NRXN3: variants seen among roughly 807,000 people sequenced by gnomAD.
The protein encoded by NRXN3 is neurexin 3.
In NRXN3, 32 loss-of-function variants were observed where a neutral mutation model predicts 137.6. The ratio of observed to expected loss-of-function variants is 0.23; its 90% CI spans 0.18 to 0.31. The LOEUF is 0.31. NRXN3 is among the 10% of genes least tolerant of loss of function. The pLI, the probability that NRXN3 is intolerant of heterozygous loss-of-function variation, is 1.00. For missense variants in NRXN3, 1,574 were observed against 2,062.5 expected (o/e 0.76, Z 4.59); for synonymous variants, 798 against 784.5 (o/e 1.02, Z -0.29).
At chr14:78,891,934 G>A (rs1597059780) in intron 10 of NRXN3, among the ~76,000 whole-genome samples, 2 of 152,068 alleles carry the variant, frequency 1.3e-5, no homozygotes, top group East Asian at 3.9e-4. Flanking sequence ...GGGCTGAAGA[G>A]TTATGGAAAT....
intron 4 of NRXN3, among the ~76,000 whole-genome samples, chr14:78,573,173 G>T (rs2096905757): frequency 6.6e-6 from 1 of 152,190 alleles, no homozygotes; most frequent in Non-Finnish European, 1.5e-5. Flanking sequence ...CAGCCATGCA[G>T]AACTGTGAGC....
chr14:78,471,522 C>G (rs1332591448), intron 4 of NRXN3, among the ~76,000 whole-genome samples: 1 of 152,174 alleles, frequency 6.6e-6, no homozygotes, highest in African/African-American at 2.4e-5. Flanking sequence ...TGCTCCCTCT[C>G]CTTCATTTAC....
chr14:79,385,623 C>T (rs1305552491), intron 15 of NRXN3, among the ~76,000 whole-genome samples: 1 of 152,116 alleles, frequency 6.6e-6, no homozygotes. Flanking sequence ...AGCACTCAGA[C>T]TTGGGCACCA....
At chr14:79,307,065 T>G (rs905339049) in intron 15 of NRXN3, among the ~76,000 whole-genome samples, 2 of 152,126 alleles carry the variant, frequency 1.3e-5, no homozygotes, top group Non-Finnish European at 2.9e-5. Flanking sequence ...GATTTAGTTT[T>G]TAGAGTTCTT....
At chr14:78,471,699 C>G (rs772022186) in intron 4 of NRXN3, among the ~76,000 whole-genome samples, 5 of 152,102 alleles carry the variant, frequency 3.3e-5, no homozygotes, top group Non-Finnish European at 5.9e-5. Flanking sequence ...TGGTAATATC[C>G]AGGCATAATT....
intron 15 of NRXN3, among the ~76,000 whole-genome samples, chr14:79,433,853 T>G (rs559920660): frequency 6.6e-6 from 1 of 152,336 alleles, no homozygotes; most frequent in Admixed American, 6.5e-5. Context: ...ACTGTGTGTT[T>G]AATTATCACC....
At chr14:78,596,962 G>A (rs1223799230) in intron 4 of NRXN3, among the ~76,000 whole-genome samples, 2 of 152,342 alleles carry the variant, frequency 1.3e-5, no homozygotes, top group African/African-American at 2.4e-5. Context: ...CTGCAAAAAC[G>A]TTCGTTGTTA....
At chr14:79,378,444 T>C (rs914153790) in intron 15 of NRXN3, among the ~76,000 whole-genome samples, 1 of 152,174 alleles carries the variant, frequency 6.6e-6, no homozygotes, top group African/African-American at 2.4e-5. Flanking sequence ...CTGGTGGCTT[T>C]GTCATTGACT....
At chr14:78,934,711 G>GA (rs200485495) in intron 10 of NRXN3, among the ~76,000 whole-genome samples, 4,624 of 150,978 alleles carry the variant, frequency 0.031, 229 homozygotes, top group African/African-American at 0.1. Flanking sequence ...ATCACAAGGA[G>GA]AAAAAACCAA....
chr14:78,206,844 T>C (rs1163210021), intron 1 of NRXN3, among the ~76,000 whole-genome samples: 2 of 152,166 alleles, frequency 1.3e-5, no homozygotes, highest in African/African-American at 4.8e-5. Flanking sequence ...TTTCCTGTTT[T>C]GCCACATCGG....
chr14:78,179,746 T>G (rs2059609057), intron 1 of NRXN3, among the ~76,000 whole-genome samples: 2 of 151,344 alleles, frequency 1.3e-5, no homozygotes, highest in Admixed American at 1.3e-4. Flanking sequence ...TTCCTCAGCA[T>G]CTTTGGTTTA....
At chr14:79,071,948 C>T (rs949114748) in intron 15 of NRXN3, among the ~76,000 whole-genome samples, 4 of 152,142 alleles carry the variant, frequency 2.6e-5, no homozygotes, top group Non-Finnish European at 4.4e-5. Context: ...TGTACACCTA[C>T]TATGTACCTA....
chr14:79,454,591 C>T (rs1232336739), intron 15 of NRXN3, among the ~76,000 whole-genome samples: 2 of 152,094 alleles, frequency 1.3e-5, no homozygotes, highest in African/African-American at 2.4e-5. Flanking sequence ...GCTTTATTTT[C>T]CTAGTAACAA....
At chr14:79,610,938 G>C (rs1227705052) in intron 16 of NRXN3, among the ~76,000 whole-genome samples, 1 of 152,180 alleles carries the variant, frequency 6.6e-6, no homozygotes, top group Non-Finnish European at 1.5e-5. Flanking sequence ...TGGGTGAAGA[G>C]AGCAACTTGC....
At chr14:78,762,741 G>A (rs1490048309) in intron 8 of NRXN3, among the ~76,000 whole-genome samples, 1 of 152,188 alleles carries the variant, frequency 6.6e-6, no homozygotes, top group Non-Finnish European at 1.5e-5. Context: ...AGAACACTTA[G>A]AATCATGCCT....
intron 4 of NRXN3, among the ~76,000 whole-genome samples, chr14:78,632,935 A>G (rs113374716): frequency 5.9e-5 from 9 of 152,120 alleles, no homozygotes; most frequent in African/African-American, 2.2e-4. Flanking sequence ...TCTGATGCTT[A>G]AAAAGACTGG....
chr14:79,683,894 C>G (rs967795820), intron 17 of NRXN3, among the ~76,000 whole-genome samples: 6 of 152,172 alleles, frequency 3.9e-5, no homozygotes, highest in African/African-American at 1.4e-4. Flanking sequence ...GACTCAGTCT[C>G]TAAGTCCACA....
chr14:79,123,558 C>T (rs1352561060), intron 15 of NRXN3, among the ~76,000 whole-genome samples: 1 of 152,092 alleles, frequency 6.6e-6, no homozygotes, highest in Non-Finnish European at 1.5e-5. Context: ...GCTGGCTGGA[C>T]TGAGAGTATT....
chr14:78,619,084 G>A (rs989044686), intron 4 of NRXN3, among the ~76,000 whole-genome samples: 21 of 152,138 alleles, frequency 1.4e-4, no homozygotes, highest in Non-Finnish European at 2.4e-4. Context: ...AGGGAGGGAG[G>A]AGCATCGTCT....
Sources: allele counts gnomAD v4.1 joint callset (sites outside exome capture counted in the v4.1 genomes callset), GRCh38; gene constraint gnomAD v4.1.1; transcripts MANE v1.5; gene names NCBI Gene and HGNC (gene_info 2026-07-23, HGNC 2026-07-21).